PRKN: variants seen among roughly 807,000 people sequenced by gnomAD.
The protein encoded by PRKN is parkin RBR E3 ubiquitin protein ligase, also known as E3 ubiquitin-protein ligase parkin.
Under a neutral mutation model 59.5 loss-of-function variants are expected in PRKN, and 56 were observed. That is an observed-to-expected ratio of 0.94 (90% CI 0.76 to 1.18). PRKN has a LOEUF of 1.18. PRKN is among the 50% of genes most tolerant of loss of function. The pLI is 0.00. For missense variants in PRKN, 657 were observed against 596.4 expected, an observed-to-expected ratio of 1.10 and a Z score of -1.06; for synonymous variants, 250 against 222.1, an observed-to-expected ratio of 1.13 and a Z score of -1.12.
intron 7 of PRKN, among the ~76,000 whole-genome samples, chr6:161,667,849 C>G (rs1214961790): frequency 6.6e-6 from 1 of 152,076 alleles, no homozygotes; most frequent in African/African-American, 2.4e-5. Context: ...TTTCATAACA[C>G]AGCAATAATC....
chr6:161,948,969 C>G (rs2128245383), intron 6 of PRKN, among the ~76,000 whole-genome samples: 1 of 152,292 alleles, frequency 6.6e-6, no homozygotes, highest in South Asian at 2.1e-4. Context: ...AAGCAGAGCT[C>G]TCTGATTTCT....
chr6:162,009,659 G>A (rs572217236), intron 5 of PRKN, among the ~76,000 whole-genome samples: 7 of 151,754 alleles, frequency 4.6e-5, no homozygotes, highest in Admixed American at 4.6e-4. Context: ...CTCGCGGCTG[G>A]GCATGGTGGC....
rs35251080 is a variant in PRKN at position 161,661,555 on chromosome 6, A to ATT, written c.872-92141_872-92140dup. 1.9e-3 allele frequency among the ~76,000 whole-genome samples: 275 copies of ATT among 148,534 alleles called. 3 individuals are homozygous for ATT. The highest frequency in any genetic ancestry group is 4.8e-3 in the African/African-American group (193 of 40,394). On this transcript the variant is annotated intron_variant, in intron 7 of 11. Coordinates refer to ENST00000366898, the MANE Select transcript of PRKN (RefSeq NM_004562.3). ...GCCCCAGCCTCTGTCACCTGCTTCC[A>ATT]TTTTTTTTTTTTCTGTAGCAAGTGC...
At chr6:162,068,989 CAT>C (rs752952693) in intron 4 of PRKN, among the ~76,000 whole-genome samples, 21 of 152,256 alleles carry the variant, frequency 1.4e-4, no homozygotes, top group East Asian at 3.9e-4. Context: ...AATATAAACA[CAT>C]GTTTCAGTTT....
chr6:161,782,481 C>T (rs1423089721), intron 7 of PRKN, among the ~76,000 whole-genome samples: 1 of 151,748 alleles, frequency 6.6e-6, no homozygotes, highest in Non-Finnish European at 1.5e-5. Context: ...TATTATTTAC[C>T]TTTGGGAGAG....
chr6:161,400,224 A>G lies in PRKN; in HGVS notation c.1084-13347T>C, dbSNP rs1786964976. Among the ~76,000 whole-genome samples the G allele has an allele frequency of 6.6e-6, 1 of 152,174 alleles. No individual in the cohort carries two copies. The highest frequency in any genetic ancestry group is 1.5e-5 in the Non-Finnish European group (1 of 68,028). On this transcript the variant is annotated intron_variant, in intron 9 of 11. Coordinates refer to ENST00000366898, the MANE Select transcript of PRKN (RefSeq NM_004562.3). This position sits in a 1 kb window ranked among gnomAD's most constrained non-coding sequence, Gnocchi z 4.2. The stretch of plus-strand genomic sequence containing the variant: ...GTTCAGTTAAGGGTCCACAGAACAA[A>G]AGCGACAGAACACCTCCAATATTTT...
chr6:162,586,851 T>C (rs1255484771), intron 1 of PRKN, among the ~76,000 whole-genome samples: 2 of 152,170 alleles, frequency 1.3e-5, no homozygotes, highest in Non-Finnish European at 2.9e-5. Context: ...TTGTTCTTGA[T>C]TATTTAAAGA....
chr6:161,583,450 A>G (rs1781417678), intron 7 of PRKN, among the ~76,000 whole-genome samples: 1 of 152,002 alleles, frequency 6.6e-6, no homozygotes, highest in South Asian at 2.1e-4. Context: ...TCAGATTATC[A>G]TTTCCAGGTT....
intron 4 of PRKN, among the ~76,000 whole-genome samples, chr6:162,090,036 T>C (rs543353808): frequency 3.9e-5 from 6 of 152,316 alleles, no homozygotes; most frequent in Admixed American, 6.5e-5. Flanking sequence ...CAATTTAATG[T>C]TAGGAAAATT....
At chr6:162,317,563 T>C (rs1276497130) in intron 2 of PRKN, among the ~76,000 whole-genome samples, 1 of 152,056 alleles carries the variant, frequency 6.6e-6, no homozygotes, top group Admixed American at 6.6e-5. Context: ...ACTGTGTTTG[T>C]TTTCCCTATG....
At chr6:162,629,714 A>G (rs1056078797) in intron 1 of PRKN, among the ~76,000 whole-genome samples, 2 of 152,152 alleles carry the variant, frequency 1.3e-5, no homozygotes, top group Admixed American at 1.3e-4. Context: ...ATAGAAAGCA[A>G]TTAGCTGTTT....
At chr6:162,695,262 A>G (rs1288372996) in intron 1 of PRKN, among the ~76,000 whole-genome samples, 1 of 152,144 alleles carries the variant, frequency 6.6e-6, no homozygotes, top group Non-Finnish European at 1.5e-5. Context: ...TAGCACATCA[A>G]TATTTCTGGG....
chr6:161,522,689 G>A (rs1490766563), intron 9 of PRKN, among the ~76,000 whole-genome samples: 1 of 152,242 alleles, frequency 6.6e-6, no homozygotes, highest in African/African-American at 2.4e-5. Context: ...TAAACAGTCA[G>A]ACCAAGGATA....
chr6:162,175,971 T>C (rs1292529872), intron 4 of PRKN, among the ~76,000 whole-genome samples: 1 of 152,218 alleles, frequency 6.6e-6, no homozygotes, highest in East Asian at 1.9e-4. Context: ...ATCTGCTCAA[T>C]GTTTTAATTT....
intron 10 of PRKN, among the ~76,000 whole-genome samples, chr6:161,368,629 C>A (rs908941124): frequency 6.6e-6 from 1 of 151,186 alleles, no homozygotes; most frequent in Non-Finnish European, 1.5e-5. Flanking sequence ...GAGAAGCCAC[C>A]CAGCCCCCCT....
chr6:162,529,744 G>A (rs1778433197), intron 1 of PRKN, among the ~76,000 whole-genome samples: 1 of 152,180 alleles, frequency 6.6e-6, no homozygotes, highest in African/African-American at 2.4e-5. Context: ...CCTAGGGAAA[G>A]GCAAGAATGC....
At chr6:162,612,042 AAT>A (rs1394582670) in intron 1 of PRKN, among the ~76,000 whole-genome samples, 4 of 151,396 alleles carry the variant, frequency 2.6e-5, no homozygotes, top group Non-Finnish European at 5.9e-5. Context: ...AAAAAAAAAA[AAT>A]TAGCTGGGCG....
rs1791009918 is a variant in PRKN at position 161,475,263 on chromosome 6, C to G, written c.1083+73591G>C. Among the ~76,000 whole-genome samples the G allele has an allele frequency of 6.6e-6, 1 of 152,164 alleles. No individual in the cohort carries two copies. The highest frequency in any genetic ancestry group is 2.1e-4 in the South Asian group (1 of 4,830). On this transcript the variant is annotated intron_variant, in intron 9 of 11. Transcript: ENST00000366898. This position sits in a 1 kb window ranked among gnomAD's most constrained non-coding sequence, Gnocchi z 5.3. ...TCAACTGGTGTGATGGAGCTGCCAA[C>G]TTGGGGGAATGCAGTCACCTCTTCC...
chr6:161,833,202 T>C (rs923824446), intron 6 of PRKN, among the ~76,000 whole-genome samples: 8 of 152,026 alleles, frequency 5.3e-5, no homozygotes, highest in Non-Finnish European at 1.2e-4. Flanking sequence ...AGAAAATGTC[T>C]TATAAAGCCA....
Sources: gnomAD v4.1 joint callset for allele counts (sites outside exome capture counted in the v4.1 genomes callset) on GRCh38, gnomAD v4.1.1 for gene constraint, Gnocchi (gnomAD v3.1) non-coding constraint, MANE v1.5 for transcripts, NCBI Gene and HGNC (gene_info 2026-07-23, HGNC 2026-07-21) for gene names.